The following KISS1 variants were observed in gnomAD, a reference collection of about 807,000 sequenced individuals.
KISS1 encodes the protein KiSS-1 metastasis suppressor.
For synonymous variants in KISS1, 97 were observed against 88.7 expected, an observed-to-expected ratio of 1.09 and a Z score of -0.52; for missense variants, 182 against 182.7, an observed-to-expected ratio of 1.00 and a Z score of 0.02.
At chr1:204,193,203 G>A (rs1188041917) in intron 1 of KISS1, among the ~76,000 whole-genome samples, 2 of 152,206 alleles carry the variant, frequency 1.3e-5, no homozygotes. Context: ...ACCCAATTTG[G>A]TGGAAGGGGC....
At chr1:204,195,388 ATG>A (rs1658835745) in intron 1 of KISS1, among the ~76,000 whole-genome samples, 4 of 133,138 alleles carry the variant, frequency 3.0e-5, no homozygotes, top group Middle Eastern at 5.2e-3. Flanking sequence ...CACACACATC[ATG>A]CACACACACC....
chr1:204,192,675 G>T lies in KISS1; in HGVS notation c.103+99C>A. ...GTCTTAGATTTCCACCAAATGCAAT[G>T]TTAAACTCACACCAGTCGACTAGAT... On this transcript the variant is annotated intron_variant, in intron 2 of 2. Transcript: ENST00000367194. The surrounding 1 kb of genome is among the most constrained non-coding windows in gnomAD (Gnocchi z 4.2). The T allele has an allele frequency of 1.3e-6, 1 of 774,256 alleles. No individual in the cohort carries two copies. Among genetic ancestry groups the T allele is most frequent in the Non-Finnish European group, 2.3e-6 (1 of 440,014 alleles). The allele number at this position is 774,256 out of a possible 1,614,324, so 48.0% of individuals were successfully genotyped here.
rs530710596 is a variant in KISS1, at chr1:204,192,601, G to A, written c.103+173C>T. On this transcript the variant is annotated intron_variant, in intron 2 of 2. Coordinates refer to ENST00000367194, the MANE Select transcript of KISS1 (RefSeq NM_002256.4). This position sits in a 1 kb window ranked among gnomAD's most constrained non-coding sequence, Gnocchi z 4.2. ...AGGCCATCACAGAGGCAAGGCATCCGTCACTTGCAGGGTTAACAGGACCCC... is the reference window on the plus strand; with the variant it reads ...AGGCCATCACAGAGGCAAGGCATCCATCACTTGCAGGGTTAACAGGACCCC... Among the ~76,000 whole-genome samples, 62 of 152,282 alleles carry A rather than the reference G, an allele frequency of 4.1e-4. No homozygotes were observed. Among genetic ancestry groups the A allele is most frequent in the African/African-American group, 1.4e-3 (58 of 41,550 alleles).
At chr1:204,195,299 C>CA in intron 1 of KISS1, among the ~76,000 whole-genome samples, 2 of 27,226 alleles carry the variant, frequency 7.3e-5, no homozygotes, top group African/African-American at 2.9e-4. Context: ...CACACATACA[C>CA]CCATACACAC....
chr1:204,192,656 G>T lies in KISS1; in HGVS notation c.103+118C>A, dbSNP rs909437130. The T allele has an allele frequency of 4.1e-6, 3 of 728,556 alleles. No individual in the cohort carries two copies. In the African/African-American group the frequency reaches 5.2e-5, roughly 13 times the overall value. The allele number at this position is 728,556 out of a possible 1,614,324, so 45.1% of individuals were successfully genotyped here. Reference sequence around the variant, plus strand: ...ATGAGTTGCATGTGTGCCAGTCTTAGATTTCCACCAAATGCAATGTTAAAC... The same window carrying T: ...ATGAGTTGCATGTGTGCCAGTCTTATATTTCCACCAAATGCAATGTTAAAC... On this transcript the variant is annotated intron_variant, in intron 2 of 2. Transcript: ENST00000367194. This position sits in a 1 kb window ranked among gnomAD's most constrained non-coding sequence, Gnocchi z 4.2.
intron 1 of KISS1, among the ~76,000 whole-genome samples, chr1:204,195,754 G>T (rs907811214): frequency 7.3e-6 from 1 of 137,770 alleles, no homozygotes; most frequent in Non-Finnish European, 1.6e-5. Context: ...CACACACACA[G>T]ATTCCACTGC....
chr1:204,190,409 T>TTCC lies in KISS1; in HGVS notation c.*74_*75insGGA. 4.4e-5 allele frequency: 25 copies of TTCC among 570,044 alleles called. No homozygotes were observed. Among genetic ancestry groups the TTCC allele is most frequent in the Admixed American group, 1.2e-4 (5 of 40,480 alleles). The allele number at this position is 570,044 out of a possible 1,614,324, so 35.3% of individuals were successfully genotyped here. A position where few individuals can be genotyped will look rare whatever the true frequency, so the allele number is the denominator to read the frequency against. On this transcript the variant is annotated 3_prime_UTR_variant, in exon 3 of 3. Transcript: ENST00000367194. The stretch of plus-strand genomic sequence containing the variant: ...CAGCGCCCCCTCCCTTAGCCCTACG[T>TTCC]CCCCGCCCCCCGCCCCCGCCCCGCA...
In KISS1 at chr1:204,192,665, C is replaced by G. The variant is rs1658765077; in HGVS notation, c.103+109G>C. On this transcript the variant is annotated intron_variant, in intron 2 of 2. Coordinates refer to ENST00000367194, the MANE Select transcript of KISS1 (RefSeq NM_002256.4). The surrounding 1 kb of genome is among the most constrained non-coding windows in gnomAD (Gnocchi z 4.2). ...ATGTGTGCCAGTCTTAGATTTCCACCAAATGCAATGTTAAACTCACACCAG... is the reference window on the plus strand; with the variant it reads ...ATGTGTGCCAGTCTTAGATTTCCACGAAATGCAATGTTAAACTCACACCAG... 1.3e-6 allele frequency: 1 copy of G among 745,616 alleles called. No homozygotes were observed. Among genetic ancestry groups the G allele is most frequent in the South Asian group, 1.5e-5 (1 of 67,310 alleles). 46.2% of individuals were successfully genotyped at this position (745,616 alleles called of 1,614,324 possible). A position where few individuals can be genotyped will look rare whatever the true frequency, so the allele number is the denominator to read the frequency against.
chr1:204,190,692 G>T lies in KISS1; in HGVS notation c.209C>A (p.Ser70Ter). 1 of 1,598,490 alleles carries T rather than the reference G, an allele frequency of 6.3e-7. No individual in the cohort carries two copies. ...GGAGCTCTCGGGGGGCGGGGACAGC[G>T]AGGTCCCCCGACGGCTCAGCCTGGC... ...ATARLSRRGT[S>*]LSPPPESSGS... The change falls in exon 3 of 3, where the codon TCG (serine) becomes TAG (stop). Residue 70 changes from serine (S) to a stop codon, truncating the protein, a stop_gained. Transcript: ENST00000367194. LOFTEE classifies it low-confidence loss of function (END_TRUNC).
chr1:204,193,195 C>A (rs1043920842), intron 1 of KISS1, among the ~76,000 whole-genome samples: 3 of 152,060 alleles, frequency 2.0e-5, no homozygotes, highest in African/African-American at 7.2e-5. Flanking sequence ...AAGGAAAGAC[C>A]CAATTTGGTG....
Position 204,192,972 on chromosome 1 carries a change from G to C in KISS1, c.-38-58C>G. 1 of 864,556 alleles carries C rather than the reference G, an allele frequency of 1.2e-6. No individual in the cohort carries two copies. The highest frequency in any genetic ancestry group is 1.9e-6 in the Non-Finnish European group (1 of 527,924). 53.6% of individuals were successfully genotyped at this position (864,556 alleles called of 1,614,324 possible). On this transcript the variant is annotated intron_variant, in intron 1 of 2. Transcript: ENST00000367194. The surrounding 1 kb of genome is among the most constrained non-coding windows in gnomAD (Gnocchi z 4.2). ...AGGCACAGGATCTGGGCTGGGTGCTGAGGGCAGAGCCCAGTGCAAAAGGGA... is the reference window on the plus strand; with the variant it reads ...AGGCACAGGATCTGGGCTGGGTGCTCAGGGCAGAGCCCAGTGCAAAAGGGA...
intron 1 of KISS1, among the ~76,000 whole-genome samples, chr1:204,195,295 TACACCCATACACACAC>T (rs1558254769): frequency 2.0e-3 from 10 of 4,954 alleles, no homozygotes; most frequent in African/African-American, 2.4e-3. Flanking sequence ...ACCACACACA[TACACCCATACACACAC>T]ATACACATAT....
At chr1:204,190,941 A>G (rs1658733579) in intron 2 of KISS1, 144 bp from the exon 3 acceptor site, 1 of 667,386 alleles carries the variant, frequency 1.5e-6, no homozygotes, top group Non-Finnish European at 2.6e-6. Flanking sequence ...CAGCACGATC[A>G]CCTTAGCTGG....
Position 204,192,671 on chromosome 1 carries a change from C to T in KISS1, c.103+103G>A. On this transcript the variant is annotated intron_variant, in intron 2 of 2. Transcript: ENST00000367194. The surrounding 1 kb of genome is among the most constrained non-coding windows in gnomAD (Gnocchi z 4.2). Reference sequence around the variant, plus strand: ...GCCAGTCTTAGATTTCCACCAAATGCAATGTTAAACTCACACCAGTCGACT... The same window carrying T: ...GCCAGTCTTAGATTTCCACCAAATGTAATGTTAAACTCACACCAGTCGACT... The T allele has an allele frequency of 1.3e-6, 1 of 753,010 alleles. No homozygotes were observed. The highest frequency in any genetic ancestry group is 2.4e-6 in the Non-Finnish European group (1 of 421,474). The allele number at this position is 753,010 out of a possible 1,614,324, so 46.6% of individuals were successfully genotyped here. A position where few individuals can be genotyped will look rare whatever the true frequency, so the allele number is the denominator to read the frequency against.
Position 204,192,686 on chromosome 1 carries a change from A to G in KISS1, c.103+88T>C. ...CCACCAAATGCAATGTTAAACTCAC[A>G]CCAGTCGACTAGATGGAAAATACGG... On this transcript the variant is annotated intron_variant, in intron 2 of 2. Transcript: ENST00000367194. This position sits in a 1 kb window ranked among gnomAD's most constrained non-coding sequence, Gnocchi z 4.2. The G allele has an allele frequency of 1.2e-6, 1 of 806,058 alleles. No individual in the cohort carries two copies. Among genetic ancestry groups the G allele is most frequent in the Non-Finnish European group, 2.1e-6 (1 of 467,494 alleles). 49.9% of individuals were successfully genotyped at this position (806,058 alleles called of 1,614,324 possible).
Position 204,190,409 on chromosome 1 carries a change from T to TTGCCCCCCCCC in KISS1, c.*74_*75insGGGGGGGGGCA. The stretch of plus-strand genomic sequence containing the variant: ...CAGCGCCCCCTCCCTTAGCCCTACG[T>TTGCCCCCCCCC]CCCCGCCCCCCGCCCCCGCCCCGCA... On this transcript the variant is annotated 3_prime_UTR_variant, in exon 3 of 3. Coordinates refer to ENST00000367194, the MANE Select transcript of KISS1 (RefSeq NM_002256.4). 26 of 570,134 alleles carry TTGCCCCCCCCC rather than the reference T, an allele frequency of 4.6e-5. No individual in the cohort carries two copies. Among genetic ancestry groups the TTGCCCCCCCCC allele is most frequent in the South Asian group, 2.1e-4 (13 of 62,526 alleles). 35.3% of individuals were successfully genotyped at this position (570,134 alleles called of 1,614,324 possible). A position where few individuals can be genotyped will look rare whatever the true frequency, so the allele number is the denominator to read the frequency against.
intron 1 of KISS1, among the ~76,000 whole-genome samples, chr1:204,194,185 C>G (rs969405551): frequency 6.6e-6 from 1 of 152,166 alleles, no homozygotes; most frequent in African/African-American, 2.4e-5. Context: ...CTTGCCCCAG[C>G]TCTGCTTTCA....
intron 1 of KISS1, among the ~76,000 whole-genome samples, chr1:204,194,170 T>C (rs1658796745): frequency 6.6e-6 from 1 of 152,150 alleles, no homozygotes; most frequent in Non-Finnish European, 1.5e-5. Flanking sequence ...GAGGAGTACT[T>C]GAATCTTGCC....
chr1:204,191,631 G>A (rs1423890915), intron 2 of KISS1, among the ~76,000 whole-genome samples: 1 of 152,258 alleles, frequency 6.6e-6, no homozygotes, highest in Non-Finnish European at 1.5e-5. Flanking sequence ...GTGAATGGGT[G>A]TGAATAGATG....
Sources: gnomAD v4.1 joint callset for allele counts (sites outside exome capture counted in the v4.1 genomes callset) on GRCh38, gnomAD v4.1.1 for gene constraint, Gnocchi (gnomAD v3.1) non-coding constraint, MANE v1.5 for transcripts, NCBI Gene and HGNC (gene_info 2026-07-23, HGNC 2026-07-21) for gene names.